Variants in ITPRID1 observed in about 807,000 individuals in gnomAD.
ITPRID1 encodes protein ITPRID1.
In ITPRID1, 96 loss-of-function variants were observed where a neutral mutation model predicts 95.4. The observed-to-expected ratio is 1.01, with a 90% CI of 0.85 to 1.19. ITPRID1 has a LOEUF of 1.19. ITPRID1 is among the 50% of genes most tolerant of loss of function. ITPRID1 has a pLI of 0.00. For missense variants in ITPRID1, 1,339 were observed against 1,252.9 expected (o/e 1.07, Z -1.04); for synonymous variants, 510 against 453.6 (o/e 1.12, Z -1.58).
chr7:31,547,380 A>C (rs1490704776), intron 1 of ITPRID1, among the ~76,000 whole-genome samples: 1 of 152,196 alleles, frequency 6.6e-6, no homozygotes, highest in Non-Finnish European at 1.5e-5. Context: ...GCCTCAGGAA[A>C]CTTACAGTCA....
At chr7:31,530,575 G>T (rs1160106458) in intron 1 of ITPRID1, among the ~76,000 whole-genome samples, 1 of 152,132 alleles carries the variant, frequency 6.6e-6, no homozygotes, top group African/African-American at 2.4e-5. Flanking sequence ...ACATGTAATT[G>T]CCTTTTATTT....
intron 10 of ITPRID1, among the ~76,000 whole-genome samples, chr7:31,634,901 T>C (rs1302635652): frequency 6.6e-6 from 1 of 152,102 alleles, no homozygotes; most frequent in Non-Finnish European, 1.5e-5. Flanking sequence ...CTAGGGAAAA[T>C]GCCACTGAGG....
intron 1 of ITPRID1, among the ~76,000 whole-genome samples, chr7:31,519,749 A>G (rs563645326): frequency 2.0e-5 from 3 of 150,542 alleles, no homozygotes; most frequent in Admixed American, 6.6e-5. Flanking sequence ...GGTTTACAAA[A>G]TATCTTTTAA....
intron 6 of ITPRID1, among the ~76,000 whole-genome samples, chr7:31,571,868 G>T (rs1420121934): frequency 1.3e-5 from 2 of 152,190 alleles, no homozygotes; most frequent in Admixed American, 1.3e-4. Context: ...TTCATAATGA[G>T]CACTAGCGGG....
chr7:31,643,523 C>T lies in ITPRID1; in HGVS notation c.2153C>T (p.Ser718Leu), dbSNP rs748113079. 33 of 1,613,866 alleles carry T rather than the reference C, an allele frequency of 2.0e-5. 1 individual carries two copies. The highest frequency in any genetic ancestry group is 8.8e-5 in the South Asian group (8 of 91,080). ...VMTQMSSSLVSAAQRAVALGT... is the reference protein window; with the variant it reads ...VMTQMSSSLVLAAQRAVALGT... The stretch of plus-strand genomic sequence containing the variant: ...ACCCAGATGTCCTCCAGCCTGGTGT[C>T]GGCTGCTCAGAGGGCTGTGGCCTTG... The change falls in exon 12 of 15, where the codon TCG becomes TTG. Residue 718 changes from serine (S) to leucine (L), a missense_variant. Physicochemically the swap from Ser to Leu is moderately radical, Grantham distance 145. Transcript: ENST00000615280.
chr7:31,520,558 TGTGTGTGAGAGAGAGA>T (rs1309425606), intron 1 of ITPRID1, among the ~76,000 whole-genome samples: 152 of 81,012 alleles, frequency 1.9e-3, no homozygotes, highest in African/African-American at 4.0e-3. Context: ...TGTGTGTGTG[TGTGTGTGAGAGAGAGA>T]GAGAGAGTTT....
At chr7:31,622,976 A>G (rs1262228262) in intron 10 of ITPRID1, among the ~76,000 whole-genome samples, 2 of 151,934 alleles carry the variant, frequency 1.3e-5, no homozygotes, top group African/African-American at 4.8e-5. Flanking sequence ...TACTACAAAC[A>G]TCTACGCCAA....
chr7:31,628,576 G>A (rs1788698955), intron 10 of ITPRID1, among the ~76,000 whole-genome samples: 1 of 151,514 alleles, frequency 6.6e-6, no homozygotes, highest in South Asian at 2.1e-4. Context: ...TCCTGCCTCA[G>A]CCTCCCCAGC....
At position 31,643,282 on chromosome 7, in the gene ITPRID1, A is replaced by T. The variant is rs1790189819; in HGVS notation, c.1912A>T (p.Ser638Cys). ...HTNHSLLVPE[S>C]SSQCIPKHSE... Reference sequence around the variant, plus strand: ...CAACCACAGCTTACTCGTACCAGAAAGCTCATCACAGTGTATCCCCAAGCA... The same window carrying T: ...CAACCACAGCTTACTCGTACCAGAATGCTCATCACAGTGTATCCCCAAGCA... Residue 638 changes from serine (S) to cysteine (C), a missense_variant, in exon 12 of 15, where the codon AGC becomes TGC. Coordinates refer to ENST00000615280, the MANE Select transcript of ITPRID1 (RefSeq NM_001257967.3). The T allele has an allele frequency of 6.2e-7, 1 of 1,613,720 alleles. No homozygotes were observed. The highest frequency in any genetic ancestry group is 8.5e-7 in the Non-Finnish European group (1 of 1,179,896).
chr7:31,631,946 C>T (rs893391546), intron 10 of ITPRID1, among the ~76,000 whole-genome samples: 4 of 152,268 alleles, frequency 2.6e-5, no homozygotes, highest in South Asian at 4.1e-4. Flanking sequence ...CCTTTGATGA[C>T]GCCGGCCGAC....
At chr7:31,639,010 C>G (rs1011689666) in intron 10 of ITPRID1, among the ~76,000 whole-genome samples, 1 of 152,156 alleles carries the variant, frequency 6.6e-6, no homozygotes, top group Non-Finnish European at 1.5e-5. Flanking sequence ...CTCCTGACCT[C>G]AGGTGATCTG....
At chr7:31,650,732 A>C (rs1790871246) in intron 12 of ITPRID1, among the ~76,000 whole-genome samples, 2 of 152,214 alleles carry the variant, frequency 1.3e-5, no homozygotes, top group African/African-American at 4.8e-5. Context: ...GATGTGTTCA[A>C]TGTTATTGAT....
At chr7:31,537,243 T>C (rs1428880528) in intron 1 of ITPRID1, among the ~76,000 whole-genome samples, 2 of 152,022 alleles carry the variant, frequency 1.3e-5, no homozygotes, top group African/African-American at 2.4e-5. Context: ...AGAAGAGAGA[T>C]TGTGAGTGGC....
At chr7:31,560,222 G>A (rs1031907914) in intron 5 of ITPRID1, among the ~76,000 whole-genome samples, 5 of 152,166 alleles carry the variant, frequency 3.3e-5, no homozygotes, top group African/African-American at 1.2e-4. Flanking sequence ...GGAATAGCAA[G>A]GATGCCTGAA....
chr7:31,522,149 TG>T (rs1783284801), intron 1 of ITPRID1, among the ~76,000 whole-genome samples: 1 of 152,156 alleles, frequency 6.6e-6, no homozygotes, highest in Non-Finnish European at 1.5e-5. Flanking sequence ...ATTAGGAAGT[TG>T]TTTTTCATAT....
intron 12 of ITPRID1, among the ~76,000 whole-genome samples, chr7:31,648,341 A>G (rs1462893200): frequency 1.3e-5 from 2 of 152,206 alleles, no homozygotes; most frequent in Non-Finnish European, 2.9e-5. Context: ...AAAGAAGAAG[A>G]AGAAAAAGAA....
chr7:31,644,884 G>A (rs963160508), intron 12 of ITPRID1, among the ~76,000 whole-genome samples: 1 of 152,196 alleles, frequency 6.6e-6, no homozygotes, highest in Non-Finnish European at 1.5e-5. Context: ...GATTTACTGA[G>A]CACCTTCTGT....
intron 1 of ITPRID1, among the ~76,000 whole-genome samples, chr7:31,545,414 A>C (rs887464448): frequency 8.6e-5 from 13 of 152,028 alleles, no homozygotes; most frequent in African/African-American, 3.1e-4. Context: ...AGAAGGCAAG[A>C]GGAGAAATGT....
chr7:31,609,196 C>G (rs1184369781), intron 10 of ITPRID1, among the ~76,000 whole-genome samples: 3 of 151,470 alleles, frequency 2.0e-5, no homozygotes, highest in Non-Finnish European at 4.4e-5. Context: ...GCATATAATC[C>G]ATTTTTTATA....
Sources: gnomAD v4.1 joint callset for allele counts (sites outside exome capture counted in the v4.1 genomes callset) on GRCh38, gnomAD v4.1.1 for gene constraint, MANE v1.5 for transcripts, NCBI Gene and HGNC (gene_info 2026-07-23, HGNC 2026-07-21) for gene names.